Variants in TPGS2 observed in about 807,000 individuals in gnomAD.
TPGS2 encodes the protein tubulin polyglutamylase complex subunit 2, also known as polyglutamylase subunit 2.
TPGS2 carries 26 observed loss-of-function variants against 31.1 expected under a neutral mutation model. That is an observed-to-expected ratio of 0.84 (90% CI 0.61 to 1.16). TPGS2 has a LOEUF of 1.16. TPGS2 is among the 50% of genes most tolerant of loss of function. TPGS2 has a pLI of 0.00. For missense variants in TPGS2, 351 were observed against 363.8 expected, an observed-to-expected ratio of 0.96 and a Z score of 0.29; for synonymous variants, 130 against 136.6, an observed-to-expected ratio of 0.95 and a Z score of 0.34.
At position 36,828,801 on chromosome 18, in the gene TPGS2, G is replaced by A. The variant is rs780428586; in HGVS notation, c.-34C>T. 11 of 1,608,406 alleles carry A rather than the reference G, an allele frequency of 6.8e-6. No individual in the cohort carries two copies. In the Admixed American group the frequency reaches 1.7e-4, roughly 24 times the overall value. ...ACCGCGATTCGCGCGCGGCGGGAGC[G>A]GGTGGAGGGCCGGACCCCGCCTCAG... On this transcript the variant is annotated 5_prime_UTR_variant, in exon 1 of 7. Coordinates refer to ENST00000334295, the MANE Select transcript of TPGS2 (RefSeq NM_015476.4).
chr18:36,816,199 T>A (rs2045646621), intron 2 of TPGS2, among the ~76,000 whole-genome samples: 1 of 152,220 alleles, frequency 6.6e-6, no homozygotes, highest in South Asian at 2.1e-4. Flanking sequence ...TTAATCCTTT[T>A]AGACCTCTGA....
At chr18:36,798,727 A>T (rs956255063) in intron 5 of TPGS2, 118 bp from the exon 6 acceptor site, 4 of 1,452,496 alleles carry the variant, frequency 2.8e-6, no homozygotes, top group African/African-American at 1.4e-5. Context: ...AGAATGGAAA[A>T]TGTAAAGTAA....
At chr18:36,781,755 G>C (rs1288302747), downstream of TPGS2, 2 of 985,194 alleles carry the variant, frequency 2.0e-6, no homozygotes, top group Non-Finnish European at 2.4e-6. Flanking sequence ...TTTCCCCATA[G>C]GCCTCTGTGC....
intron 5 of TPGS2, among the ~76,000 whole-genome samples, chr18:36,799,543 T>C (rs1789929519): frequency 6.6e-6 from 1 of 152,194 alleles, no homozygotes; most frequent in African/African-American, 2.4e-5. Flanking sequence ...ACCCGGTATC[T>C]AATTCCTACC....
At chr18:36,792,510 T>A (rs1213510660), downstream of TPGS2, among the ~76,000 whole-genome samples, 1 of 152,204 alleles carries the variant, frequency 6.6e-6, no homozygotes, top group African/African-American at 2.4e-5. Context: ...TTTACTGGAA[T>A]AAAAACAGAT....
Position 36,794,804 on chromosome 18 carries a change from G to A in TPGS2, c.*2001C>T, listed in dbSNP as rs1373275573. 1.0e-6 allele frequency: 1 copy of A among 983,216 alleles called. No individual in the cohort carries two copies. Among genetic ancestry groups the A allele is most frequent in the African/African-American group, 1.8e-5 (1 of 56,262 alleles). The allele number at this position is 983,216 out of a possible 1,614,324, so 60.9% of individuals were successfully genotyped here. On this transcript the variant is annotated 3_prime_UTR_variant, in exon 7 of 7. Coordinates refer to ENST00000334295, the MANE Select transcript of TPGS2 (RefSeq NM_015476.4). Reference sequence around the variant, plus strand: ...TAAAAGGGCCAAAATGTCTCCTAGAGAATATGTGACAGTCATGTTATGGTT... The same window carrying A: ...TAAAAGGGCCAAAATGTCTCCTAGAAAATATGTGACAGTCATGTTATGGTT...
chr18:36,828,662 C>T, intron 1 of TPGS2, 21 bp downstream of exon 1: 3 of 1,613,708 alleles, frequency 1.9e-6, no homozygotes, highest in Middle Eastern at 3.3e-4. Flanking sequence ...ACCCTCTCGG[C>T]ACCGTGCCCC....
intron 6 of TPGS2, among the ~76,000 whole-genome samples, chr18:36,787,790 T>A (rs915292087): frequency 2.6e-5 from 4 of 152,228 alleles, no homozygotes; most frequent in African/African-American, 9.6e-5. Context: ...TTGTGAGAAT[T>A]AAAGGAGCTC....
intron 1 of TPGS2, among the ~76,000 whole-genome samples, chr18:36,819,777 C>A (rs1057244225): frequency 6.6e-6 from 1 of 152,150 alleles, no homozygotes; most frequent in African/African-American, 2.4e-5. Flanking sequence ...GAAGTCCTAA[C>A]CCCCAGTACC....
At chr18:36,790,540 C>T (rs485935), downstream of TPGS2, among the ~76,000 whole-genome samples, 1,874 of 152,148 alleles carry the variant, frequency 0.012, 27 homozygotes, top group African/African-American at 0.04. Flanking sequence ...GTACACTGTC[C>T]GATAAGAGTT....
intron 1 of TPGS2, among the ~76,000 whole-genome samples, chr18:36,826,665 A>G (rs911774286): frequency 9.2e-5 from 14 of 152,226 alleles, no homozygotes; most frequent in Admixed American, 6.5e-4. Context: ...AGGTCTGCCA[A>G]TCGGGCTGCC....
chr18:36,828,535 C>T (rs1250664113), intron 1 of TPGS2, 148 bp downstream of exon 1: 4 of 844,734 alleles, frequency 4.7e-6, no homozygotes, highest in Non-Finnish European at 7.4e-6. Flanking sequence ...CCCAGGTCCC[C>T]CACTTTCCTC....
chr18:36,821,720 C>T (rs2045902455), intron 1 of TPGS2, among the ~76,000 whole-genome samples: 1 of 152,156 alleles, frequency 6.6e-6, no homozygotes, highest in Non-Finnish European at 1.5e-5. Context: ...GAGTTGAAGG[C>T]AGAGGGAGGT....
At chr18:36,813,908 T>C (rs2045542163) in intron 2 of TPGS2, among the ~76,000 whole-genome samples, 1 of 152,174 alleles carries the variant, frequency 6.6e-6, no homozygotes, top group Admixed American at 6.5e-5. Context: ...AGTCACATGG[T>C]GTCGCAGGAT....
At chr18:36,782,584 T>C (rs531740095), downstream of TPGS2, among the ~76,000 whole-genome samples, 10 of 152,284 alleles carry the variant, frequency 6.6e-5, no homozygotes, top group South Asian at 1.5e-3. Context: ...TTCTCTCTCT[T>C]TTTTTGGTGG....
chr18:36,791,115 CTT>C (rs1491557079), downstream of TPGS2, among the ~76,000 whole-genome samples: 5 of 152,178 alleles, frequency 3.3e-5, no homozygotes, highest in African/African-American at 1.2e-4. Flanking sequence ...CCTTCACTCT[CTT>C]CCTCCTCCTC....
intron 6 of TPGS2, among the ~76,000 whole-genome samples, chr18:36,787,905 ATATT>A (rs1410067320): frequency 2.6e-5 from 4 of 152,234 alleles, no homozygotes; most frequent in Admixed American, 6.5e-5. Context: ...TGAAAAAATA[ATATT>A]TATGTCTTTG....
chr18:36,793,412 A>G (rs555445778), downstream of TPGS2, among the ~76,000 whole-genome samples: 1 of 152,314 alleles, frequency 6.6e-6, no homozygotes, highest in Admixed American at 6.5e-5. Context: ...TGAGAGCCCC[A>G]ACAGGCTGCA....
chr18:36,798,477 G>A lies in TPGS2; in HGVS notation c.629C>T (p.Thr210Ile). The A allele has an allele frequency of 1.9e-6, 3 of 1,614,208 alleles. No homozygotes were observed. The highest frequency in any genetic ancestry group is 2.5e-6 in the Non-Finnish European group (3 of 1,180,038). ...GGCCTGTGGGCTAATGCCATAGCTG[G>A]TGAAGGCATATTGCCACTGGGGCAG... ...LGLPQWQYAFTSYGISPQAKQ... is the reference protein window; with the variant it reads ...LGLPQWQYAFISYGISPQAKQ... Residue 210 changes from threonine (T) to isoleucine (I), a missense_variant, in exon 6 of 7, where the codon ACC becomes ATC. Coordinates refer to ENST00000334295, the MANE Select transcript of TPGS2 (RefSeq NM_015476.4).
Sources: allele counts gnomAD v4.1 joint callset (sites outside exome capture counted in the v4.1 genomes callset), GRCh38; gene constraint gnomAD v4.1.1; transcripts MANE v1.5; gene names NCBI Gene and HGNC (gene_info 2026-07-23, HGNC 2026-07-21).